Variants in GALNT1 observed in about 807,000 individuals in gnomAD.
GALNT1 encodes the protein polypeptide N-acetylgalactosaminyltransferase 1.
In GALNT1, 17 loss-of-function variants were observed where a neutral mutation model predicts 65.7. The observed-to-expected ratio is 0.26, with a 90% CI of 0.18 to 0.39. The LOEUF is 0.39. Ranked by LOEUF, GALNT1 falls within the 10% of genes least tolerant of loss-of-function variation. The pLI, the probability that GALNT1 is intolerant of heterozygous loss-of-function variation, is 1.00. For missense variants in GALNT1, 460 were observed against 672.8 expected (o/e 0.68, Z 3.50); for synonymous variants, 210 against 219.7 (o/e 0.96, Z 0.39).
At chr18:35,688,017 G>A (rs2047895261) in intron 6 of GALNT1, among the ~76,000 whole-genome samples, 1 of 152,094 alleles carries the variant, frequency 6.6e-6, no homozygotes. Flanking sequence ...TAGTGCAAGG[G>A]ACTTTTCTTC....
In GALNT1 at chr18:35,710,441, T is replaced by C. The variant is rs1427440338; in HGVS notation, c.*671T>C. 1.3e-5 allele frequency: 2 copies of C among 152,572 alleles called. No individual in the cohort carries two copies. The highest frequency in any genetic ancestry group is 4.8e-5 in the African/African-American group (2 of 41,444). 9.5% of individuals were successfully genotyped at this position (152,572 alleles called of 1,614,324 possible). On this transcript the variant is annotated 3_prime_UTR_variant, in exon 12 of 12. Transcript: ENST00000269195. ...TTTCATCTGTGATAGTCATGGATGCTTTTATTTTCCTTGGGGTGCTGAAAT... is the reference window on the plus strand; with the variant it reads ...TTTCATCTGTGATAGTCATGGATGCCTTTATTTTCCTTGGGGTGCTGAAAT...
intron 2 of GALNT1, among the ~76,000 whole-genome samples, chr18:35,660,422 T>A (rs1455585885): frequency 6.6e-6 from 1 of 152,168 alleles, no homozygotes; most frequent in Admixed American, 6.5e-5. Context: ...TAAATGAAAC[T>A]TAACTGAAGT....
chr18:35,614,676 A>G (rs1220629823), intron 1 of GALNT1, among the ~76,000 whole-genome samples: 1 of 152,174 alleles, frequency 6.6e-6, no homozygotes, highest in Non-Finnish European at 1.5e-5. Flanking sequence ...AAGTACCTTC[A>G]TAGAAAATTC....
At chr18:35,593,840 C>G (rs1003484605) in intron 1 of GALNT1, among the ~76,000 whole-genome samples, 12 of 151,994 alleles carry the variant, frequency 7.9e-5, no homozygotes, top group African/African-American at 2.9e-4. Context: ...TCCTGAGTAG[C>G]TGGGACTACA....
chr18:35,626,423 T>C (rs561233811), intron 1 of GALNT1, among the ~76,000 whole-genome samples: 1 of 152,332 alleles, frequency 6.6e-6, no homozygotes, highest in East Asian at 1.9e-4. Flanking sequence ...GCTCTTAAAA[T>C]TTATATTGAA....
intron 3 of GALNT1, 22 bp from the exon 4 acceptor site, chr18:35,677,569 A>C (rs1283642104): frequency 6.3e-7 from 1 of 1,586,630 alleles, no homozygotes; most frequent in Admixed American, 1.8e-5. Flanking sequence ...ACTTTTTATA[A>C]AGGCATTTGC....
chr18:35,684,540 A>G (rs541349750), intron 5 of GALNT1, among the ~76,000 whole-genome samples: 3 of 152,188 alleles, frequency 2.0e-5, no homozygotes, highest in East Asian at 1.9e-4. Flanking sequence ...CACAACCCAT[A>G]GAGAGAAAGC....
chr18:35,686,589 T>C (rs2047871160), intron 5 of GALNT1, among the ~76,000 whole-genome samples: 1 of 152,190 alleles, frequency 6.6e-6, no homozygotes, highest in Admixed American at 6.5e-5. Context: ...CAGTCACTCA[T>C]AGTTACAGCA....
intron 1 of GALNT1, among the ~76,000 whole-genome samples, chr18:35,637,270 G>C (rs553121346): frequency 7.9e-5 from 12 of 152,336 alleles, no homozygotes; most frequent in African/African-American, 2.4e-4. Flanking sequence ...ATAACGCTTA[G>C]TGAGGAAGGC....
chr18:35,690,954 G>A, intron 7 of GALNT1, 58 bp from the exon 8 acceptor site: 1 of 1,409,814 alleles, frequency 7.1e-7, no homozygotes. Context: ...GGAAAACTAA[G>A]GTGAACATTT....
intron 1 of GALNT1, among the ~76,000 whole-genome samples, chr18:35,646,544 A>G (rs1344402938): frequency 6.6e-6 from 1 of 152,210 alleles, no homozygotes; most frequent in African/African-American, 2.4e-5. Context: ...GGACCTCTGC[A>G]TAGGAATGCT....
intron 6 of GALNT1, among the ~76,000 whole-genome samples, chr18:35,688,354 A>AATC (rs2047901401): frequency 6.6e-6 from 1 of 152,158 alleles, no homozygotes; most frequent in African/African-American, 2.4e-5. Flanking sequence ...CTTAAAATAT[A>AATC]ATCTTCGTGG....
intron 11 of GALNT1, 130 bp downstream of exon 11, chr18:35,703,773 T>C: frequency 1.2e-6 from 1 of 823,110 alleles, no homozygotes; most frequent in South Asian, 2.6e-5. Context: ...ACACTAAATA[T>C]TGACAGGCGG....
chr18:35,706,376 C>T (rs1291229690), intron 11 of GALNT1, among the ~76,000 whole-genome samples: 3 of 152,202 alleles, frequency 2.0e-5, no homozygotes, highest in Middle Eastern at 3.4e-3. Context: ...GTGGCAGGCA[C>T]CTGTAGTCCC....
intron 2 of GALNT1, among the ~76,000 whole-genome samples, chr18:35,655,047 G>A (rs906856268): frequency 6.6e-6 from 1 of 152,040 alleles, no homozygotes; most frequent in African/African-American, 2.4e-5. Flanking sequence ...TTAATTTCCT[G>A]TAAGTTACTT....
chr18:35,663,520 G>T (rs972381071), intron 2 of GALNT1, 108 bp from the exon 3 acceptor site: 1 of 1,148,644 alleles, frequency 8.7e-7, no homozygotes, highest in African/African-American at 1.6e-5. Flanking sequence ...GCTCAGAAAG[G>T]GTTCTGGTTG....
rs142689816 is a variant in GALNT1 at position 35,587,756 on chromosome 18, T to G, written c.-104+5894T>G. On this transcript the variant is annotated intron_variant, in intron 1 of 11. Transcript: ENST00000269195. ...TGAATTCCATTTACTAATATTTTGT[T>G]AAGGAATTTTGCACTTAGATTCATG... Among the ~76,000 whole-genome samples, 1,513 of 152,356 alleles carry G rather than the reference T, an allele frequency of 9.9e-3. 31 individuals carry two copies. Among genetic ancestry groups the G allele is most frequent in the African/African-American group, 0.034 (1,432 of 41,584 alleles).
upstream of GALNT1, among the ~76,000 whole-genome samples, chr18:35,581,506 C>T (rs1375326095): frequency 6.2e-5 from 9 of 144,014 alleles, no homozygotes; most frequent in Admixed American, 6.2e-4. Flanking sequence ...GAGCACGCAG[C>T]GCAGGGAGGA....
intron 3 of GALNT1, chr18:35,664,147 C>G (rs2047513598): frequency 3.8e-6 from 1 of 265,842 alleles, no homozygotes; most frequent in African/African-American, 2.3e-5. Flanking sequence ...CGTAAGTATA[C>G]AGCTCACTGA....
Sources: allele counts gnomAD v4.1 joint callset (sites outside exome capture counted in the v4.1 genomes callset), GRCh38; gene constraint gnomAD v4.1.1; transcripts MANE v1.5; gene names NCBI Gene and HGNC (gene_info 2026-07-23, HGNC 2026-07-21).